The following SLC22A23 variants were observed in gnomAD, a reference collection of about 807,000 sequenced individuals.
SLC22A23 encodes the protein ion transporter protein.
SLC22A23 carries 26 observed loss-of-function variants against 61.0 expected under a neutral mutation model. The observed-to-expected ratio is 0.43, with a 90% CI of 0.31 to 0.59. The LOEUF is 0.59. SLC22A23 is among the 20% of genes least tolerant of loss of function. The probability of loss-of-function intolerance (pLI) is 0.11; values close to 1 mark genes in which losing one functional copy is unlikely to be tolerated. For missense variants in SLC22A23, 796 were observed against 934.7 expected (o/e 0.85, Z 1.94); for synonymous variants, 430 against 413.9 (o/e 1.04, Z -0.47).
intron 9 of SLC22A23, among the ~76,000 whole-genome samples, chr6:3,280,215 C>T (rs1186446478): frequency 6.6e-6 from 1 of 152,222 alleles, no homozygotes; most frequent in Non-Finnish European, 1.5e-5. Flanking sequence ...CCACCCCCGC[C>T]TAACAAGGTG....
Position 3,285,084 on chromosome 6 carries a change from T to G in SLC22A23, c.1574A>C (p.Asp525Ala). 1 of 1,613,126 alleles carries G rather than the reference T, an allele frequency of 6.2e-7. No individual in the cohort carries two copies. The highest frequency in any genetic ancestry group is 8.5e-7 in the Non-Finnish European group (1 of 1,179,574). ...CCCACGCGCTTGGGACTCACCTGAG[T>G]CTGGGTGCTGGCTGTACTTTCCAAT... is the stretch of plus-strand genomic sequence containing the variant. Reference protein sequence around the residue: ...NLIGKYSQHPDSGMSDSVKDK... With the variant: ...NLIGKYSQHPASGMSDSVKDK... The change falls in exon 8 of 10, where the codon GAC becomes GCC. Residue 525 changes from aspartate (D) to alanine (A), a missense_variant. Physicochemically the swap from Asp to Ala is moderately radical, Grantham distance 126. Transcript: ENST00000406686.
intron 3 of SLC22A23, among the ~76,000 whole-genome samples, chr6:3,357,012 G>A (rs1355322573): frequency 9.2e-6 from 1 of 108,796 alleles, no homozygotes; most frequent in Non-Finnish European, 1.8e-5. Flanking sequence ...TTTTAAAGCA[G>A]TAAACCTAGC....
chr6:3,432,951 A>G (rs1770964653), intron 1 of SLC22A23, among the ~76,000 whole-genome samples: 1 of 152,192 alleles, frequency 6.6e-6, no homozygotes, highest in Non-Finnish European at 1.5e-5. Context: ...CCATCAGAAG[A>G]TAATTCCCTT....
chr6:3,343,682 G>T (rs967642091), intron 3 of SLC22A23, among the ~76,000 whole-genome samples: 1 of 152,168 alleles, frequency 6.6e-6, no homozygotes, highest in Admixed American at 6.5e-5. Flanking sequence ...ACCCTAGGTC[G>T]CTCTTGAATT....
chr6:3,296,737 C>A (rs1016191005), intron 5 of SLC22A23, among the ~76,000 whole-genome samples: 1 of 152,114 alleles, frequency 6.6e-6, no homozygotes, highest in African/African-American at 2.4e-5. Context: ...AGCACGTGGT[C>A]CAGCCTGGGT....
In SLC22A23 at chr6:3,289,831, C is replaced by T; in HGVS notation, c.1246G>A (p.Val416Ile). 6.2e-7 allele frequency: 1 copy of T among 1,614,054 alleles called. No individual in the cohort carries two copies. The highest frequency in any genetic ancestry group is 8.5e-7 in the Non-Finnish European group (1 of 1,180,036). ...EKELSRRPKK[V>I]CIVKVVGTRN... Reference sequence around the variant, plus strand: ...GTCCCCACCACCTTCACGATGCAGACCTTCTTGGGCCTCCGGGAAAGCTCT... The same window carrying T: ...GTCCCCACCACCTTCACGATGCAGATCTTCTTGGGCCTCCGGGAAAGCTCT... Residue 416 changes from valine to isoleucine, a missense_variant, in exon 6 of 10, where the codon GTC (valine) becomes ATC (isoleucine). Transcript: ENST00000406686.
At chr6:3,296,786 G>A (rs1761139694) in intron 5 of SLC22A23, among the ~76,000 whole-genome samples, 1 of 152,144 alleles carries the variant, frequency 6.6e-6, no homozygotes, top group African/African-American at 2.4e-5. Flanking sequence ...TGAGGCAGAG[G>A]GTGACATCCT....
intron 3 of SLC22A23, among the ~76,000 whole-genome samples, chr6:3,361,639 C>T (rs1047187400): frequency 5.3e-5 from 8 of 152,230 alleles, no homozygotes; most frequent in South Asian, 2.1e-4. Context: ...TCAGCAACAC[C>T]TCACTCTCAG....
chr6:3,428,756 G>C (rs1191866265), intron 1 of SLC22A23, among the ~76,000 whole-genome samples: 1 of 152,224 alleles, frequency 6.6e-6, no homozygotes, highest in Non-Finnish European at 1.5e-5. Context: ...GCATTTGAAA[G>C]ACACACCCAC....
At chr6:3,411,565 C>T (rs191452361) in intron 2 of SLC22A23, among the ~76,000 whole-genome samples, 1 of 152,058 alleles carries the variant, frequency 6.6e-6, no homozygotes, top group Non-Finnish European at 1.5e-5. Flanking sequence ...TATACTAAAA[C>T]TCATTCCATT....
chr6:3,381,684 A>G (rs1169643759), intron 3 of SLC22A23, among the ~76,000 whole-genome samples: 1 of 152,176 alleles, frequency 6.6e-6, no homozygotes, highest in Non-Finnish European at 1.5e-5. Context: ...CGAGGGGGAC[A>G]GTAGTGGAAT....
At chr6:3,394,616 G>T (rs1251251334) in intron 3 of SLC22A23, among the ~76,000 whole-genome samples, 1 of 152,188 alleles carries the variant, frequency 6.6e-6, no homozygotes, top group African/African-American at 2.4e-5. Context: ...TCAGAAGGGT[G>T]TGACCCCCAG....
chr6:3,348,937 G>A (rs1378497433), intron 3 of SLC22A23, among the ~76,000 whole-genome samples: 2 of 152,188 alleles, frequency 1.3e-5, no homozygotes, highest in South Asian at 4.1e-4. Flanking sequence ...CCTTCCAACT[G>A]TCTCTCCAGC....
chr6:3,296,493 C>G (rs1761108983), intron 5 of SLC22A23, among the ~76,000 whole-genome samples: 1 of 152,186 alleles, frequency 6.6e-6, no homozygotes, highest in African/African-American at 2.4e-5. Context: ...ACGTGAAGCA[C>G]TTGGGGGCTA....
In SLC22A23 at chr6:3,308,518, C is replaced by T. The variant is rs1398615198; in HGVS notation, c.1083-10300G>A. On this transcript the variant is annotated intron_variant, in intron 4 of 9. Transcript: ENST00000406686. This position sits in a 1 kb window ranked among gnomAD's most constrained non-coding sequence, Gnocchi z 5.1. ...CCAGGTGTGGACAGTGGCTCTTCTC[C>T]TGAGGTCTTGAATAAAAGCACATTA... Among the ~76,000 whole-genome samples the T allele has an allele frequency of 6.6e-6, 1 of 152,216 alleles. No individual in the cohort carries two copies. Among genetic ancestry groups the T allele is most frequent in the Non-Finnish European group, 1.5e-5 (1 of 68,046 alleles).
intron 6 of SLC22A23, among the ~76,000 whole-genome samples, chr6:3,288,924 G>A (rs1353833188): frequency 6.6e-6 from 1 of 152,224 alleles, no homozygotes; most frequent in Non-Finnish European, 1.5e-5. Flanking sequence ...ACCCCAATAT[G>A]GAGAACTGAT....
chr6:3,413,472 G>T (rs965912651), intron 2 of SLC22A23, among the ~76,000 whole-genome samples: 1 of 152,258 alleles, frequency 6.6e-6, no homozygotes, highest in South Asian at 2.1e-4. Flanking sequence ...GGGGAAGGGG[G>T]CAGAGGGCTG....
intron 3 of SLC22A23, among the ~76,000 whole-genome samples, chr6:3,335,518 C>T (rs549933775): frequency 2.0e-5 from 3 of 152,298 alleles, no homozygotes; most frequent in Admixed American, 1.3e-4. Context: ...GAATTCCTCT[C>T]GCCCCATGTA....
Position 3,272,941 on chromosome 6 carries a change from G to A in SLC22A23, c.*114C>T. The stretch of plus-strand genomic sequence containing the variant: ...CAGGATTTCCCCACACCAGTTGAGA[G>A]GCTCAGCTTGGCTGAGGCAGCTTTC... On this transcript the variant is annotated 3_prime_UTR_variant, in exon 10 of 10. Coordinates refer to ENST00000406686, the MANE Select transcript of SLC22A23 (RefSeq NM_015482.2). 3.2e-6 allele frequency: 3 copies of A among 942,718 alleles called. No individual in the cohort carries two copies. Among genetic ancestry groups the A allele is most frequent in the Non-Finnish European group, 4.7e-6 (3 of 636,630 alleles). The allele number at this position is 942,718 out of a possible 1,614,324, so 58.4% of individuals were successfully genotyped here. A position where few individuals can be genotyped will look rare whatever the true frequency, so the allele number is the denominator to read the frequency against.
Sources: allele counts gnomAD v4.1 joint callset (sites outside exome capture counted in the v4.1 genomes callset), GRCh38; gene constraint gnomAD v4.1.1; non-coding constraint Gnocchi (gnomAD v3.1); transcripts MANE v1.5; gene names NCBI Gene and HGNC (gene_info 2026-07-23, HGNC 2026-07-21).